Variants in RBFOX1 observed in about 807,000 individuals in gnomAD.
The protein encoded by RBFOX1 is RNA binding fox-1 homolog 1.
RBFOX1 carries 8 observed loss-of-function variants against 57.7 expected under a neutral mutation model. The ratio of observed to expected loss-of-function variants is 0.14; its 90% CI spans 0.08 to 0.25. The LOEUF is 0.25. Ranked by LOEUF, RBFOX1 falls within the 10% of genes least tolerant of loss-of-function variation. The probability of loss-of-function intolerance (pLI) is 1.00; values close to 1 mark genes in which losing one functional copy is unlikely to be tolerated. For synonymous variants in RBFOX1, 326 were observed against 222.4 expected (o/e 1.47, Z -4.15); for missense variants, 611 against 548.5 (o/e 1.11, Z -1.14).
chr16:6,391,852 CAT>C (rs1232706960), intron 2 of RBFOX1, among the ~76,000 whole-genome samples: 1 of 152,266 alleles, frequency 6.6e-6, no homozygotes, highest in African/African-American at 2.4e-5. Context: ...GGAAAACAAA[CAT>C]ATATATTGCA....
intron 4 of RBFOX1, among the ~76,000 whole-genome samples, chr16:7,293,893 A>G (rs1042619608): frequency 2.6e-5 from 4 of 152,152 alleles, no homozygotes; most frequent in African/African-American, 9.7e-5. Context: ...TTCCAGGATG[A>G]GACCCTGGGA....
At chr16:6,303,263 C>T (rs969881097) in intron 1 of RBFOX1, among the ~76,000 whole-genome samples, 2 of 152,078 alleles carry the variant, frequency 1.3e-5, no homozygotes, top group African/African-American at 4.8e-5. Context: ...CATTTTCGTT[C>T]TGAGACATCT....
At chr16:7,242,803 C>T (rs1486100765) in intron 4 of RBFOX1, among the ~76,000 whole-genome samples, 1 of 152,210 alleles carries the variant, frequency 6.6e-6, no homozygotes, top group Non-Finnish European at 1.5e-5. Flanking sequence ...GCCAAATTTT[C>T]TGTTTGTTGA....
chr16:6,338,541 AGC>A (rs1373271774), intron 2 of RBFOX1, among the ~76,000 whole-genome samples: 1 of 152,238 alleles, frequency 6.6e-6, no homozygotes. Flanking sequence ...CATACAGTTG[AGC>A]ACTGGGACTA....
intron 4 of RBFOX1, among the ~76,000 whole-genome samples, chr16:7,081,525 C>G (rs1185677995): frequency 2.0e-5 from 3 of 152,150 alleles, no homozygotes; most frequent in Admixed American, 6.6e-5. Context: ...TCATTTCTCA[C>G]TAATGATGGG....
At chr16:6,686,336 C>G (rs527821537) in intron 3 of RBFOX1, among the ~76,000 whole-genome samples, 4 of 152,170 alleles carry the variant, frequency 2.6e-5, no homozygotes, top group Admixed American at 1.3e-4. Context: ...TGAGCCCTCG[C>G]CCCTCCTCCT....
chr16:7,448,035 A>G (rs2098822166), intron 4 of RBFOX1, among the ~76,000 whole-genome samples: 1 of 152,188 alleles, frequency 6.6e-6, no homozygotes, highest in Non-Finnish European at 1.5e-5. Context: ...CTTCTGAAGC[A>G]TGTGAAAGTT....
chr16:6,151,953 A>G (rs2096800785), intron 1 of RBFOX1, among the ~76,000 whole-genome samples: 2 of 152,232 alleles, frequency 1.3e-5, no homozygotes, highest in African/African-American at 4.8e-5. Flanking sequence ...AAAAGCTTTA[A>G]TATAGACAAC....
intron 1 of RBFOX1, among the ~76,000 whole-genome samples, chr16:5,369,028 G>C (rs1220531409): frequency 1.3e-5 from 2 of 152,202 alleles, no homozygotes; most frequent in African/African-American, 4.8e-5. Context: ...TTTGAGACGA[G>C]TCTTGCTCTG....
intron 1 of RBFOX1, among the ~76,000 whole-genome samples, chr16:6,313,288 C>T (rs2080609438): frequency 1.3e-5 from 2 of 152,226 alleles, no homozygotes; most frequent in Middle Eastern, 3.4e-3. Flanking sequence ...AAATGGGAAG[C>T]CAGCAATGTA....
At position 7,120,697 on chromosome 16, in the gene RBFOX1, A is replaced by AGG. The variant is rs1567335669; in HGVS notation, c.27+68599_27+68600insGG. 4.7e-5 allele frequency among the ~76,000 whole-genome samples: 7 copies of AGG among 149,326 alleles called. No homozygotes were observed. The South Asian group carries it at 8.5e-4, about 18-fold the overall frequency. ...TCCACCAAACATTTAATGTTGGGAA[A>AGG]AAAAAAAAAAAACTATACACAGTCT... On this transcript the variant is annotated intron_variant, in intron 4 of 15. Coordinates refer to ENST00000550418, the MANE Select transcript of RBFOX1 (RefSeq NM_018723.4).
rs116347784 is a variant in RBFOX1, at chr16:5,407,703, C to A, written c.220-59513C>A. Among the ~76,000 whole-genome samples, 5 of 152,286 alleles carry A rather than the reference C, an allele frequency of 3.3e-5. 1 individual carries two copies. In the Middle Eastern group the frequency reaches 0.01, roughly 311 times the overall value. ...AGCTGGGATTACAGGGACCCACCAC[C>A]ACGCTGGGCTAATTTTTGTGTTTTC... On this transcript the variant is annotated intron_variant, in intron 1 of 2. Coordinates refer to the RBFOX1 transcript ENST00000585867.
chr16:6,375,088 A>T (rs566004097), intron 2 of RBFOX1, among the ~76,000 whole-genome samples: 1 of 152,288 alleles, frequency 6.6e-6, no homozygotes, highest in South Asian at 2.1e-4. Context: ...TTGCAGGCTA[A>T]TGGGAGTGTG....
At chr16:7,566,445 C>G (rs766938488) in intron 5 of RBFOX1, among the ~76,000 whole-genome samples, 5 of 152,140 alleles carry the variant, frequency 3.3e-5, no homozygotes, top group African/African-American at 9.7e-5. Context: ...TCACCTTGAC[C>G]TTGAAAGGCC....
chr16:7,519,525 C>A, intron 5 of RBFOX1: 1 of 195,992 alleles, frequency 5.1e-6, no homozygotes. Context: ...GTGTTTTGAT[C>A]ATTAATCAAA....
chr16:6,749,566 C>T (rs143608005), intron 3 of RBFOX1, among the ~76,000 whole-genome samples: 5 of 152,132 alleles, frequency 3.3e-5, no homozygotes, highest in African/African-American at 4.8e-5. Flanking sequence ...GCAGCCATGC[C>T]GATTTCAAAG....
intron 5 of RBFOX1, among the ~76,000 whole-genome samples, chr16:7,536,123 A>T (rs561775828): frequency 7.8e-4 from 119 of 152,350 alleles, no homozygotes; most frequent in African/African-American, 2.8e-3. Flanking sequence ...TGTTTCTTCC[A>T]TCTGCAATTG....
chr16:6,783,856 G>T (rs540458590), intron 3 of RBFOX1, among the ~76,000 whole-genome samples: 1 of 152,056 alleles, frequency 6.6e-6, no homozygotes, highest in East Asian at 1.9e-4. Context: ...CTCAGGTTTT[G>T]TTTGTCTGAG....
intron 3 of RBFOX1, among the ~76,000 whole-genome samples, chr16:5,701,772 T>C (rs901156515): frequency 6.6e-6 from 1 of 151,846 alleles, no homozygotes; most frequent in Non-Finnish European, 1.5e-5. Context: ...ACCAGAGGCA[T>C]TTTTTGTCCG....
Sources: allele counts gnomAD v4.1 joint callset (sites outside exome capture counted in the v4.1 genomes callset), GRCh38; gene constraint gnomAD v4.1.1; transcripts MANE v1.5; gene names NCBI Gene and HGNC (gene_info 2026-07-23, HGNC 2026-07-21).